The following ASPM variants were observed in gnomAD, a reference collection of about 807,000 sequenced individuals.
ASPM encodes assembly factor for spindle microtubules, also known as abnormal spindle-like microcephaly-associated protein.
Under a neutral mutation model 366.4 loss-of-function variants are expected in ASPM, and 256 were observed. The observed-to-expected ratio is 0.70, with a 90% CI of 0.63 to 0.77. The LOEUF (loss-of-function observed/expected upper bound fraction) is 0.77, where lower values mean the gene tolerates loss of function less well. ASPM is among the 30% of genes least tolerant of loss of function. The probability of loss-of-function intolerance (pLI) is 0.00; values close to 1 mark genes in which losing one functional copy is unlikely to be tolerated. For synonymous variants in ASPM, 1,414 were observed against 1,342.9 expected, an observed-to-expected ratio of 1.05 and a Z score of -1.16; for missense variants, 4,146 against 4,090.4, an observed-to-expected ratio of 1.01 and a Z score of -0.37.
chr1:197,131,516 A>T (rs1658252392), intron 7 of ASPM, among the ~76,000 whole-genome samples: 1 of 151,932 alleles, frequency 6.6e-6, no homozygotes, highest in Non-Finnish European at 1.5e-5. Context: ...AGATTGGTAT[A>T]GGTTCAACTC....
Position 197,088,431 on chromosome 1 carries a change from T to C in ASPM, c.9986A>G (p.Tyr3329Cys). Residue 3329 changes from tyrosine to cysteine, a missense_variant and splice_region_variant, in exon 26 of 28, where the codon TAT becomes TGT. This residue lies in a region of ASPM where 3,624 missense variants were observed against 3,591.7 expected (regional missense o/e 1.01). Coordinates refer to ENST00000367409, the MANE Select transcript of ASPM (RefSeq NM_018136.5). ...AVQVLLNVSKYEKTTSAVYDV... is the reference protein window; with the variant it reads ...AVQVLLNVSKCEKTTSAVYDV... ...ATAAACTGCTGAAGTAGTTTTCTCA[T>C]ACTTGAAGAGAACAGAATGAAATTA... 1 of 1,591,774 alleles carries C rather than the reference T, an allele frequency of 6.3e-7. No individual in the cohort carries two copies. Among genetic ancestry groups the C allele is most frequent in the Non-Finnish European group, 8.6e-7 (1 of 1,162,376 alleles).
Position 197,142,959 on chromosome 1 carries a change from T to A in ASPM, c.1293A>T (p.Lys431Asn), listed in dbSNP as rs1268711705. The A allele has an allele frequency of 6.2e-7, 1 of 1,613,976 alleles. No individual in the cohort carries two copies. Among genetic ancestry groups the A allele is most frequent in the South Asian group, 1.1e-5 (1 of 91,082 alleles). The change falls in exon 3 of 28, where the codon AAA becomes AAT. Residue 431 changes from lysine (K) to asparagine (N), a missense_variant. Transcript: ENST00000367409. ...QVPQSPEDWR[K>N]SEVSPRIPEC... ...CAGGAATACGTGGCGAAACTTCACT[T>A]TTTCTCCAATCTTCAGGAGACTGTG...
chr1:197,091,764 T>C, intron 22 of ASPM, 143 bp downstream of exon 22: 1 of 835,834 alleles, frequency 1.2e-6, no homozygotes. Flanking sequence ...TTTCTAACCC[T>C]CAAATCATTG....
chr1:197,090,043 C>T lies in ASPM; in HGVS notation c.9871G>A (p.Ala3291Thr), dbSNP rs1490506801. 1.2e-6 allele frequency: 2 copies of T among 1,613,378 alleles called. No individual in the cohort carries two copies. Among genetic ancestry groups the T allele is most frequent in the Non-Finnish European group, 1.7e-6 (2 of 1,179,636 alleles). Residue 3291 changes from alanine (A) to threonine (T), a missense_variant, in exon 25 of 28, where the codon GCC becomes ACC. Around this residue, in one of 3 missense-constraint regions of ASPM, gnomAD observed 3,624 missense variants for 3,591.7 expected, o/e 1.01. Coordinates refer to ENST00000367409, the MANE Select transcript of ASPM (RefSeq NM_018136.5). Reference protein sequence around the residue: ...RLSPLCCENMAQSGAISKIFV... With the variant: ...RLSPLCCENMTQSGAISKIFV... ...ATTTTAGAAATTGCTCCACTCTGGG[C>T]CATGTTCTCACAACAAAGTGGAGAC...
rs776625229 is a variant in ASPM at position 197,089,827 on chromosome 1, T to A, written c.9984+103A>T. 3 of 1,137,590 alleles carry A rather than the reference T, an allele frequency of 2.6e-6. 1 individual carries two copies. Among genetic ancestry groups the A allele is most frequent in the Middle Eastern group, 4.7e-4 (2 of 4,288 alleles). The allele number at this position is 1,137,590 out of a possible 1,614,324, so 70.5% of individuals were successfully genotyped here. Reference sequence around the variant, plus strand: ...CTAAGACTCTTGCACATAAATGAATTTAACTTAGAGATTTAAGCCCTAGTG... The same window carrying A: ...CTAAGACTCTTGCACATAAATGAATATAACTTAGAGATTTAAGCCCTAGTG... On this transcript the variant is annotated intron_variant, in intron 25 of 27. Coordinates refer to ENST00000367409, the MANE Select transcript of ASPM (RefSeq NM_018136.5).
intron 18 of ASPM, among the ~76,000 whole-genome samples, chr1:197,096,743 T>C (rs2125091307): frequency 6.6e-6 from 1 of 151,842 alleles, no homozygotes; most frequent in South Asian, 2.1e-4. Flanking sequence ...ATCACATGGG[T>C]AGATAATACT....
chr1:197,087,228 C>A (rs2125086554), intron 26 of ASPM, among the ~76,000 whole-genome samples: 1 of 152,180 alleles, frequency 6.6e-6, no homozygotes, highest in Middle Eastern at 3.4e-3. Flanking sequence ...GCACCCGCCA[C>A]CACACCCGGC....
At position 197,141,184 on chromosome 1, in the gene ASPM, T is replaced by TAA. The variant is rs11378728; in HGVS notation, c.1921+1145_1921+1146dup. ...TATAGCTTTTACATTTGTAAAGAGT[T>TAA]AAAAAAAAAATGAAAATAATAATAT... On this transcript the variant is annotated intron_variant, in intron 3 of 27. Coordinates refer to ENST00000367409, the MANE Select transcript of ASPM (RefSeq NM_018136.5). 1.5e-4 allele frequency among the ~76,000 whole-genome samples: 23 copies of TAA among 150,750 alleles called. 1 individual carries two copies. Among genetic ancestry groups the TAA allele is most frequent in the East Asian group, 7.8e-4 (4 of 5,126 alleles).
chr1:197,146,263 C>A lies in ASPM; in HGVS notation c.175G>T (p.Ala59Ser), dbSNP rs1658776306. The A allele has an allele frequency of 6.2e-7, 1 of 1,614,122 alleles. No individual in the cohort carries two copies. Residue 59 changes from alanine to serine, a missense_variant, in exon 1 of 28, where the codon GCC (alanine) becomes TCC (serine). This residue lies in a region of ASPM where 512 missense variants were observed against 471.7 expected (regional missense o/e 1.09). Transcript: ENST00000367409. ...AGGGCCAGAGACAGCGTCCGTGAGG[C>A]TCCCAGGAGAACGTCCCCGAAGCAA... ...FLCFGDVLLG[A>S]SRTLSLALDN...
chr1:197,138,817 C>G, intron 4 of ASPM: 1 of 768,890 alleles, frequency 1.3e-6, no homozygotes, highest in Non-Finnish European at 2.3e-6. Context: ...CAGAAGCAGC[C>G]TTCATTTTAT....
At chr1:197,094,999 T>C (rs970145053) in intron 19 of ASPM, among the ~76,000 whole-genome samples, 1 of 151,756 alleles carries the variant, frequency 6.6e-6, no homozygotes, top group Non-Finnish European at 1.5e-5. Flanking sequence ...ACAGAGTACA[T>C]GTGATATTTT....
In ASPM at chr1:197,146,447, G is replaced by C. The variant is rs886045780; in HGVS notation, c.-10C>G. ...CTCGCCGGTTCGCCATGGCAGATTC[G>C]AGACCCCTCCTGGATCTCCTTGCCC... On this transcript the variant is annotated 5_prime_UTR_variant, in exon 1 of 28. Transcript: ENST00000367409. 1.8e-5 allele frequency: 29 copies of C among 1,605,130 alleles called. No homozygotes were observed. The highest frequency in any genetic ancestry group is 2.2e-5 in the Non-Finnish European group (26 of 1,179,448).
chr1:197,134,805 G>C (rs1658367747), intron 5 of ASPM, among the ~76,000 whole-genome samples: 1 of 152,180 alleles, frequency 6.6e-6, no homozygotes, highest in South Asian at 2.1e-4. Context: ...CTAAGGTATT[G>C]AACAGTGGGG....
At chr1:197,123,697 A>C (rs1657988502) in intron 13 of ASPM, among the ~76,000 whole-genome samples, 1 of 152,170 alleles carries the variant, frequency 6.6e-6, no homozygotes, top group Non-Finnish European at 1.5e-5. Context: ...TACTTCATAC[A>C]GAAATACAGT....
At chr1:197,140,246 C>A (rs1289079666) in intron 3 of ASPM, among the ~76,000 whole-genome samples, 1 of 152,180 alleles carries the variant, frequency 6.6e-6, no homozygotes, top group Non-Finnish European at 1.5e-5. Flanking sequence ...GGTAGAAGAG[C>A]CTTCCCAGAT....
At position 197,103,260 on chromosome 1, in the gene ASPM, A is replaced by G. The variant is rs761833601; in HGVS notation, c.5991T>C (p.Ala1997=). ...QKKWKIMKKA[A]LLIQKYYRAY... ...CCCTATAATACTTTTGAATCAGAAGAGCAGCTTTTTTCATGATTTTCCACT... is the reference window on the plus strand; with the variant it reads ...CCCTATAATACTTTTGAATCAGAAGGGCAGCTTTTTTCATGATTTTCCACT... The change falls in exon 18 of 28, where the codon GCT becomes GCC. Residue 1997 remains alanine, a synonymous_variant. Coordinates refer to ENST00000367409, the MANE Select transcript of ASPM (RefSeq NM_018136.5). 3.7e-6 allele frequency: 6 copies of G among 1,612,844 alleles called. No homozygotes were observed.
intron 17 of ASPM, among the ~76,000 whole-genome samples, chr1:197,107,037 T>C (rs988253203): frequency 2.6e-5 from 4 of 152,062 alleles, no homozygotes; most frequent in African/African-American, 7.2e-5. Context: ...GGCGCAGTCA[T>C]GGAAAGAATG....
At chr1:197,097,852 T>A (rs555253117) in intron 18 of ASPM, among the ~76,000 whole-genome samples, 1 of 151,746 alleles carries the variant, frequency 6.6e-6, no homozygotes, top group East Asian at 1.9e-4. Flanking sequence ...GTGGCAGTTA[T>A]AAGTTACTAG....
At chr1:197,112,831 T>C (rs1657629314) in intron 17 of ASPM, among the ~76,000 whole-genome samples, 1 of 152,130 alleles carries the variant, frequency 6.6e-6, no homozygotes, top group Non-Finnish European at 1.5e-5. Context: ...CCCGACTGCC[T>C]TGGGCACATG....
Sources: allele counts gnomAD v4.1 joint callset (sites outside exome capture counted in the v4.1 genomes callset), GRCh38; gene constraint gnomAD v4.1.1; regional missense constraint gnomAD v4.1.1; transcripts MANE v1.5; gene names NCBI Gene and HGNC (gene_info 2026-07-23, HGNC 2026-07-21).